FAF1: variants seen among roughly 807,000 people sequenced by gnomAD.
FAF1 encodes Fas associated factor 1.
Under a neutral mutation model 92.5 loss-of-function variants are expected in FAF1, and 25 were observed. That is an observed-to-expected ratio of 0.27 (90% CI 0.20 to 0.38). The LOEUF (loss-of-function observed/expected upper bound fraction) is 0.38, where lower values mean the gene tolerates loss of function less well. Ranked by LOEUF, FAF1 falls within the 10% of genes least tolerant of loss-of-function variation. FAF1 has a pLI of 1.00. For missense variants in FAF1, 636 were observed against 793.3 expected (o/e 0.80, Z 2.38); for synonymous variants, 234 against 273.2 (o/e 0.86, Z 1.42).
chr1:50,460,623 G>A (rs776077803), intron 18 of FAF1, among the ~76,000 whole-genome samples: 2 of 150,492 alleles, frequency 1.3e-5, no homozygotes, highest in East Asian at 1.9e-4. Context: ...GTGTGTGTGT[G>A]TTTGTGTATA....
chr1:50,532,695 A>C (rs1648242280), intron 15 of FAF1, among the ~76,000 whole-genome samples: 1 of 152,242 alleles, frequency 6.6e-6, no homozygotes, highest in Non-Finnish European at 1.5e-5. Context: ...TAGCAATAGA[A>C]GATACCTAGT....
chr1:50,860,083 T>C (rs939864733), intron 1 of FAF1, among the ~76,000 whole-genome samples: 2 of 151,876 alleles, frequency 1.3e-5, no homozygotes, highest in African/African-American at 4.8e-5. Context: ...ACCCCTACTT[T>C]TCACCATACA....
At chr1:50,855,399 A>G (rs577709168) in intron 2 of FAF1, among the ~76,000 whole-genome samples, 2 of 151,838 alleles carry the variant, frequency 1.3e-5, no homozygotes, top group South Asian at 4.1e-4. Flanking sequence ...ACATTTCCCT[A>G]GCAAAAATGT....
intron 6 of FAF1, among the ~76,000 whole-genome samples, chr1:50,708,936 G>T (rs1356506606): frequency 6.6e-6 from 1 of 152,200 alleles, no homozygotes; most frequent in Non-Finnish European, 1.5e-5. Context: ...TGCAGTGAAG[G>T]CTGCGTGAGA....
At chr1:50,737,542 A>G (rs920543158) in intron 6 of FAF1, among the ~76,000 whole-genome samples, 3 of 152,244 alleles carry the variant, frequency 2.0e-5, no homozygotes, top group African/African-American at 7.2e-5. Flanking sequence ...ACATTATTAT[A>G]AACACATGGA....
intron 8 of FAF1, among the ~76,000 whole-genome samples, chr1:50,639,366 G>A (rs928084860): frequency 1.3e-5 from 2 of 152,186 alleles, no homozygotes; most frequent in Non-Finnish European, 2.9e-5. Context: ...AGCTGCCGCT[G>A]TTTTCCAGAG....
intron 4 of FAF1, among the ~76,000 whole-genome samples, chr1:50,764,707 C>T (rs1660495906): frequency 3.9e-5 from 6 of 152,158 alleles, no homozygotes; most frequent in Admixed American, 3.9e-4. Context: ...CAGGTGTGTA[C>T]AGCAGGAAGA....
intron 3 of FAF1, among the ~76,000 whole-genome samples, chr1:50,793,389 C>T (rs575111413): frequency 2.6e-5 from 4 of 152,082 alleles, no homozygotes; most frequent in Non-Finnish European, 5.9e-5. Flanking sequence ...ATGCTAATTA[C>T]TGGGGAATTT....
chr1:50,486,906 GTATA>G (rs1370120916), intron 17 of FAF1, among the ~76,000 whole-genome samples: 2 of 152,126 alleles, frequency 1.3e-5, no homozygotes, highest in Non-Finnish European at 1.5e-5. Flanking sequence ...CTTTCTTGGA[GTATA>G]TATATTTCAC....
intron 17 of FAF1, among the ~76,000 whole-genome samples, chr1:50,484,354 C>T (rs1206587505): frequency 2.0e-5 from 3 of 152,148 alleles, no homozygotes; most frequent in African/African-American, 7.2e-5. Flanking sequence ...GTGATTTGGA[C>T]ACCATGAAGC....
chr1:50,546,853 A>C (rs1335368021), intron 13 of FAF1, among the ~76,000 whole-genome samples: 1 of 152,164 alleles, frequency 6.6e-6, no homozygotes, highest in East Asian at 1.9e-4. Flanking sequence ...CCTTACATGA[A>C]GAAAAACTGC....
At chr1:50,868,790 T>C (rs909766888) in intron 1 of FAF1, among the ~76,000 whole-genome samples, 1 of 152,214 alleles carries the variant, frequency 6.6e-6, no homozygotes, top group Non-Finnish European at 1.5e-5. Context: ...ATTTCCATCC[T>C]TGGAAATTTA....
chr1:50,805,087 T>C (rs1380895489), intron 2 of FAF1, among the ~76,000 whole-genome samples: 3 of 152,190 alleles, frequency 2.0e-5, no homozygotes, highest in East Asian at 3.8e-4. Context: ...CACTCTATAA[T>C]AGGAAAATGA....
At chr1:50,780,798 A>T in intron 4 of FAF1, 1 of 390,850 alleles carries the variant, frequency 2.6e-6, no homozygotes, top group Non-Finnish European at 5.1e-6. Flanking sequence ...TGATGGACTT[A>T]CGGAGTGAGC....
At chr1:50,775,054 G>T (rs907219914) in intron 4 of FAF1, among the ~76,000 whole-genome samples, 1 of 152,032 alleles carries the variant, frequency 6.6e-6, no homozygotes, top group Non-Finnish European at 1.5e-5. Context: ...TGCATAATCT[G>T]ATTGAGCATC....
At chr1:50,849,907 G>C (rs1358518656) in intron 2 of FAF1, among the ~76,000 whole-genome samples, 1 of 152,134 alleles carries the variant, frequency 6.6e-6, no homozygotes, top group African/African-American at 2.4e-5. Flanking sequence ...TATCAATACA[G>C]CTCTTCCTTA....
intron 15 of FAF1, among the ~76,000 whole-genome samples, chr1:50,512,281 T>C (rs1045388585): frequency 3.9e-5 from 6 of 152,232 alleles, no homozygotes; most frequent in Admixed American, 3.9e-4. Context: ...TTGTTGCCAT[T>C]GCTTTTGGTG....
At chr1:50,678,569 C>T (rs1421564146) in intron 7 of FAF1, among the ~76,000 whole-genome samples, 1 of 151,934 alleles carries the variant, frequency 6.6e-6, no homozygotes, top group South Asian at 2.1e-4. Flanking sequence ...ATCACGAGGT[C>T]AGGAGATAGA....
chr1:50,727,488 TCTA>T (rs919531342), intron 6 of FAF1, among the ~76,000 whole-genome samples: 12 of 152,360 alleles, frequency 7.9e-5, no homozygotes, highest in Non-Finnish European at 1.8e-4. Context: ...CTTCCAAGTA[TCTA>T]CTATGTTTCC....
Sources: gnomAD v4.1 joint callset for allele counts (sites outside exome capture counted in the v4.1 genomes callset) on GRCh38, gnomAD v4.1.1 for gene constraint, MANE v1.5 for transcripts, NCBI Gene and HGNC (gene_info 2026-07-23, HGNC 2026-07-21) for gene names.